Variants in MAPK10 observed in about 807,000 individuals in gnomAD.
MAPK10 encodes JNK3 alpha protein kinase.
In MAPK10, 25 loss-of-function variants were observed where a neutral mutation model predicts 59.3. The observed-to-expected ratio is 0.42, with a 90% confidence interval of 0.31 to 0.59. The LOEUF (loss-of-function observed/expected upper bound fraction) is 0.59. Ranked by LOEUF, MAPK10 falls within the 20% of genes least tolerant of loss-of-function variation. The pLI is 0.15. For synonymous variants in MAPK10, 190 were observed against 200.5 expected, an observed-to-expected ratio of 0.95 and a Z score of 0.44; for missense variants, 351 against 568.9, an observed-to-expected ratio of 0.62 and a Z score of 3.90.
intron 1 of MAPK10, among the ~76,000 whole-genome samples, chr4:86,391,557 C>T (rs1370584989): frequency 6.6e-6 from 1 of 152,118 alleles, no homozygotes; most frequent in African/African-American, 2.4e-5. Context: ...GATTCTATGG[C>T]ATATAGAGAC....
rs1306586379 is a variant in MAPK10, at chr4:86,057,026, C to T, written c.1110+7240G>A. Among the ~76,000 whole-genome samples, 9 of 148,404 alleles carry T rather than the reference C, an allele frequency of 6.1e-5. 1 individual carries two copies. The highest frequency in any genetic ancestry group is 2.0e-4 in the African/African-American group (8 of 39,268). The stretch of plus-strand genomic sequence containing the variant: ...TCTCCCAGGCTGGAGTGCAGTGGTG[C>T]GATCTCGGCTCACTGCAACTTCTGT... On this transcript the variant is annotated intron_variant, in intron 11 of 13. Transcript: ENST00000641462.
At chr4:86,312,549 A>T (rs1454886791) in intron 2 of MAPK10, among the ~76,000 whole-genome samples, 2 of 152,128 alleles carry the variant, frequency 1.3e-5, no homozygotes, top group African/African-American at 2.4e-5. Context: ...AAACTCTTTC[A>T]CAATAAATTT....
chr4:86,287,997 A>G (rs531047118), intron 2 of MAPK10, among the ~76,000 whole-genome samples: 1 of 152,272 alleles, frequency 6.6e-6, no homozygotes, highest in East Asian at 1.9e-4. Context: ...AAATAAATTG[A>G]GTAACATATG....
chr4:86,363,785 A>G (rs930323873), upstream of MAPK10, among the ~76,000 whole-genome samples: 3 of 152,118 alleles, frequency 2.0e-5, no homozygotes, highest in African/African-American at 2.4e-5. Context: ...TTGGTTAAAT[A>G]AAACTCTTTT....
At chr4:86,571,328 G>A (rs749310008) in intron 1 of MAPK10, among the ~76,000 whole-genome samples, 2 of 46,556 alleles carry the variant, frequency 4.3e-5, no homozygotes, top group Non-Finnish European at 9.1e-5. Context: ...ATATATATAC[G>A]TGTGTGTGTG....
chr4:86,089,577 T>A, intron 9 of MAPK10: 1 of 245,902 alleles, frequency 4.1e-6, no homozygotes, highest in South Asian at 1.2e-4. Context: ...AAAGGTCTAA[T>A]TTGCATTCAT....
At chr4:86,232,192 A>T (rs911839151) in intron 2 of MAPK10, among the ~76,000 whole-genome samples, 2 of 152,226 alleles carry the variant, frequency 1.3e-5, no homozygotes, top group Non-Finnish European at 2.9e-5. Context: ...AACAGCTGGT[A>T]GACCAAATTT....
intron 2 of MAPK10, among the ~76,000 whole-genome samples, chr4:86,346,602 C>T (rs1026024776): frequency 6.6e-6 from 1 of 151,948 alleles, no homozygotes; most frequent in Non-Finnish European, 1.5e-5. Context: ...TTGGTATATC[C>T]GGGACCTCAG....
intron 1 of MAPK10, among the ~76,000 whole-genome samples, chr4:86,420,757 C>G (rs1746427207): frequency 1.3e-5 from 2 of 151,934 alleles, no homozygotes; most frequent in Admixed American, 6.6e-5. Context: ...CCACTGCATT[C>G]CAGTCTGGGT....
Position 86,012,475 on chromosome 4 carries a change from G to A in MAPK10, c.*4753C>T, listed in dbSNP as rs1259496540. ...CAAACTCCAACAATGTCTGGGTTTG[G>A]ATTTGGTTTTATGTTGAGAGAAGCA... On this transcript the variant is annotated 3_prime_UTR_variant, in exon 14 of 14. Transcript: ENST00000641462. 1 of 152,102 alleles carries A rather than the reference G, an allele frequency of 6.6e-6. No homozygotes were observed. Among genetic ancestry groups the A allele is most frequent in the Non-Finnish European group, 1.5e-5 (1 of 68,008 alleles). The allele number at this position is 152,102 out of a possible 1,614,324, so 9.4% of individuals were successfully genotyped here.
intron 1 of MAPK10, among the ~76,000 whole-genome samples, chr4:86,568,065 G>T (rs903283822): frequency 1.3e-5 from 2 of 152,042 alleles, no homozygotes; most frequent in African/African-American, 2.4e-5. Context: ...TCCTCCAAAA[G>T]ACTCCTAGAT....
chr4:86,170,219 T>A (rs923066401), intron 3 of MAPK10, among the ~76,000 whole-genome samples: 15 of 151,610 alleles, frequency 9.9e-5, no homozygotes, highest in Middle Eastern at 3.2e-3. Flanking sequence ...AATATTAACT[T>A]TAAATGTAAA....
upstream of MAPK10, among the ~76,000 whole-genome samples, chr4:86,457,096 A>G (rs1238730448): frequency 6.6e-6 from 1 of 152,186 alleles, no homozygotes; most frequent in Non-Finnish European, 1.5e-5. Flanking sequence ...AGCATTTGAC[A>G]AAATCTAGCA....
intron 1 of MAPK10, among the ~76,000 whole-genome samples, chr4:86,575,040 C>A (rs955454288): frequency 2.0e-4 from 31 of 152,256 alleles, no homozygotes; most frequent in African/African-American, 7.2e-4. Flanking sequence ...GATTGCCCTT[C>A]CCAGTGTGGG....
At chr4:86,290,974 C>T (rs1244192953) in intron 2 of MAPK10, among the ~76,000 whole-genome samples, 1 of 152,064 alleles carries the variant, frequency 6.6e-6, no homozygotes, top group Non-Finnish European at 1.5e-5. Flanking sequence ...ATATATAAGG[C>T]AGGGTCAACA....
chr4:86,378,599 GC>G (rs1425382102), intron 1 of MAPK10, among the ~76,000 whole-genome samples: 1 of 152,210 alleles, frequency 6.6e-6, no homozygotes, highest in Non-Finnish European at 1.5e-5. Context: ...CTGGGCAAAT[GC>G]CCAAAATATA....
intron 1 of MAPK10, among the ~76,000 whole-genome samples, chr4:86,462,451 T>A (rs1446058398): frequency 6.6e-6 from 1 of 152,142 alleles, no homozygotes. Flanking sequence ...AAGCGGCTTA[T>A]TGGGTGAATC....
chr4:86,540,972 C>T (rs1758642743), intron 1 of MAPK10, among the ~76,000 whole-genome samples: 1 of 152,050 alleles, frequency 6.6e-6, no homozygotes, highest in Non-Finnish European at 1.5e-5. Context: ...GTTAGATTTC[C>T]TACATGAAAT....
intron 4 of MAPK10, among the ~76,000 whole-genome samples, chr4:86,151,266 G>C (rs912866142): frequency 6.6e-6 from 1 of 152,172 alleles, no homozygotes. Context: ...GAAGTAGGAG[G>C]TAAGACCTTC....
Sources: allele counts gnomAD v4.1 joint callset (sites outside exome capture counted in the v4.1 genomes callset), GRCh38; gene constraint gnomAD v4.1.1; transcripts MANE v1.5; gene names NCBI Gene and HGNC (gene_info 2026-07-23, HGNC 2026-07-21).